TMEM154: variants seen among roughly 807,000 people sequenced by gnomAD.
TMEM154 encodes the protein transmembrane protein 154.
In TMEM154, 27 loss-of-function variants were observed where a neutral mutation model predicts 24.5. That is an observed-to-expected ratio of 1.10 (90% CI 0.81 to 1.52). The LOEUF is 1.52. Among genes scored for constraint, TMEM154 ranks in the 40% most tolerant of loss-of-function variants. TMEM154 has a pLI of 0.00. For missense variants in TMEM154, 228 were observed against 213.4 expected (o/e 1.07, Z -0.43); for synonymous variants, 67 against 76.8 (o/e 0.87, Z 0.67).
chr4:152,641,903 CTTTTTTTTTTTTTTTTTT>C (rs780465309), intron 5 of TMEM154, among the ~76,000 whole-genome samples: 3 of 41,480 alleles, frequency 7.2e-5, no homozygotes, highest in African/African-American at 2.1e-4. Flanking sequence ...AGCAATAATT[CTTTTTTTTTTTTTTTTTT>C]TTTTTTTTTT....
chr4:152,666,442 G>A (rs2149789160), intron 1 of TMEM154: 1 of 152,150 alleles, frequency 6.6e-6, no homozygotes, highest in South Asian at 2.1e-4. Context: ...AGTTTTAAAT[G>A]TGATTAGACA....
At chr4:152,646,969 A>G in intron 3 of TMEM154, 1 of 705,586 alleles carries the variant, frequency 1.4e-6, no homozygotes, top group South Asian at 1.5e-5. Context: ...ACATCAAGAC[A>G]CTGCAAATTT....
At chr4:152,630,043 G>A (rs1014113712) in intron 6 of TMEM154, among the ~76,000 whole-genome samples, 1 of 152,112 alleles carries the variant, frequency 6.6e-6, no homozygotes. Flanking sequence ...GGTGGGCGTG[G>A]TGGCTCACAG....
At chr4:152,670,937 C>T (rs534034064) in intron 1 of TMEM154, among the ~76,000 whole-genome samples, 6 of 152,160 alleles carry the variant, frequency 3.9e-5, no homozygotes, top group Admixed American at 6.5e-5. Flanking sequence ...TAAGTAGGGA[C>T]GATGGCATGC....
At position 152,679,256 on chromosome 4, in the gene TMEM154, A is replaced by G. The variant is rs370768017; in HGVS notation, c.64+614T>C. On this transcript the variant is annotated intron_variant, in intron 1 of 6. Coordinates refer to ENST00000304385, the MANE Select transcript of TMEM154 (RefSeq NM_152680.3). Reference sequence around the variant, plus strand: ...TCATTAGTAACAATCAATGCAAAAAAAAAATCTGTAAAAGTAACAAGGTGC... The same window carrying G: ...TCATTAGTAACAATCAATGCAAAAAGAAAATCTGTAAAAGTAACAAGGTGC... Among the ~76,000 whole-genome samples, 391 of 152,236 alleles carry G rather than the reference A, an allele frequency of 2.6e-3. 1 individual carries two copies. The highest frequency in any genetic ancestry group is 9.2e-3 in the African/African-American group (384 of 41,516).
At chr4:152,677,334 C>T (rs1300844425) in intron 1 of TMEM154, among the ~76,000 whole-genome samples, 4 of 152,138 alleles carry the variant, frequency 2.6e-5, no homozygotes, top group Admixed American at 2.0e-4. Context: ...GTTGCCTGCT[C>T]GTTGTTAATA....
At chr4:152,638,810 G>A (rs1425422006) in intron 6 of TMEM154, among the ~76,000 whole-genome samples, 1 of 152,192 alleles carries the variant, frequency 6.6e-6, no homozygotes, top group Non-Finnish European at 1.5e-5. Context: ...ATTACGAGAG[G>A]GCATAAAGTG....
chr4:152,671,287 T>G (rs770244007), intron 1 of TMEM154, among the ~76,000 whole-genome samples: 11 of 152,086 alleles, frequency 7.2e-5, no homozygotes, highest in African/African-American at 2.7e-4. Flanking sequence ...CATTAGCTTG[T>G]AATGATGCCA....
In TMEM154 at chr4:152,624,124, C is replaced by T. The variant is rs182002899; in HGVS notation, c.*4422G>A. 3 of 152,302 alleles carry T rather than the reference C, an allele frequency of 2.0e-5. No individual in the cohort carries two copies. The highest frequency in any genetic ancestry group is 6.5e-5 in the Admixed American group (1 of 15,292). The allele number at this position is 152,302 out of a possible 1,614,324, so 9.4% of individuals were successfully genotyped here. A position where few individuals can be genotyped will look rare whatever the true frequency, so the allele number is the denominator to read the frequency against. ...ACAGTCTTCATGAAATTAACATCTTCATGTTTTCTTAAGCACTTTGGTTTA... is the reference window on the plus strand; with the variant it reads ...ACAGTCTTCATGAAATTAACATCTTTATGTTTTCTTAAGCACTTTGGTTTA... On this transcript the variant is annotated 3_prime_UTR_variant, in exon 7 of 7. Coordinates refer to ENST00000304385, the MANE Select transcript of TMEM154 (RefSeq NM_152680.3).
At chr4:152,649,472 C>T (rs1011590511) in intron 3 of TMEM154, among the ~76,000 whole-genome samples, 4 of 152,134 alleles carry the variant, frequency 2.6e-5, no homozygotes, top group African/African-American at 9.7e-5. Flanking sequence ...TGTTAGTAAT[C>T]TTTAGACAGT....
At chr4:152,660,729 G>T (rs1728585323) in intron 1 of TMEM154, among the ~76,000 whole-genome samples, 12 of 152,182 alleles carry the variant, frequency 7.9e-5, no homozygotes, top group Admixed American at 7.9e-4. Context: ...GAATGAGAGG[G>T]AACCTCCTGC....
chr4:152,672,801 T>C lies in TMEM154; in HGVS notation c.64+7069A>G, dbSNP rs779665203. ...CCCCTAATTATCTTAAATTTTTCCA[T>C]ATTGACAAGAGCAGAGGTTGGCAAA... On this transcript the variant is annotated intron_variant, in intron 1 of 6. Coordinates refer to ENST00000304385, the MANE Select transcript of TMEM154 (RefSeq NM_152680.3). Among the ~76,000 whole-genome samples the C allele has an allele frequency of 7.2e-5, 11 of 152,224 alleles. No individual in the cohort carries two copies. In the East Asian group the frequency reaches 1.7e-3, roughly 24 times the overall value.
At position 152,658,969 on chromosome 4, in the gene TMEM154, C is replaced by G. The variant is rs1728543830; in HGVS notation, c.65-6042G>C. Among the ~76,000 whole-genome samples, 7 of 152,236 alleles carry G rather than the reference C, an allele frequency of 4.6e-5. No homozygotes were observed. In the South Asian group the frequency reaches 1.4e-3, roughly 32 times the overall value. On this transcript the variant is annotated intron_variant, in intron 1 of 6. Transcript: ENST00000304385. The stretch of plus-strand genomic sequence containing the variant: ...AACAGTAGGGCAATTTCTCAAAAAA[C>G]TAACAAGAGAACTACCATACAATCC...
rs777411337 is a variant in TMEM154 at position 152,640,983 on chromosome 4, C to A, written c.481G>T (p.Asp161Tyr). ...KWMNSMNRNA[D>Y]FECLPTLKEE... is the part of the protein sequence containing the mutation. ...TTCAAGGTAGGTAAACATTCAAAGT[C>A]GGCTAGGACAGAATAAAAGCAAACT... The change falls in exon 6 of 7, where the codon GAC becomes TAC. Residue 161 changes from aspartate to tyrosine, a missense_variant and splice_region_variant. Transcript: ENST00000304385. 3.7e-6 allele frequency: 6 copies of A among 1,604,686 alleles called. No individual in the cohort carries two copies. The highest frequency in any genetic ancestry group is 5.1e-6 in the Non-Finnish European group (6 of 1,175,612).
At chr4:152,651,285 T>G (rs1353779794) in intron 3 of TMEM154, among the ~76,000 whole-genome samples, 1 of 152,048 alleles carries the variant, frequency 6.6e-6, no homozygotes, top group Non-Finnish European at 1.5e-5. Context: ...CCCATAGTGC[T>G]GAGATTACAG....
At chr4:152,669,781 T>C (rs1728789731) in intron 1 of TMEM154, 1 of 152,212 alleles carries the variant, frequency 6.6e-6, no homozygotes, top group South Asian at 2.1e-4. Context: ...ACAACGATGG[T>C]TTTAACTCAT....
In TMEM154 at chr4:152,664,830, C is replaced by G. The variant is rs144500226; in HGVS notation, c.65-11903G>C. The stretch of plus-strand genomic sequence containing the variant: ...GAAAGAAAACATGTCAGATGTCAAG[C>G]CCTCAAACTCTTCCCTGCGTTGTGG... On this transcript the variant is annotated intron_variant, in intron 1 of 6. Transcript: ENST00000304385. Among the ~76,000 whole-genome samples, 1,027 of 152,270 alleles carry G rather than the reference C, an allele frequency of 6.7e-3. 2 individuals carry two copies. Among genetic ancestry groups the G allele is most frequent in the Middle Eastern group, 0.017 (5 of 294 alleles).
chr4:152,667,744 A>G (rs916463108), intron 1 of TMEM154, among the ~76,000 whole-genome samples: 1 of 152,250 alleles, frequency 6.6e-6, no homozygotes, highest in African/African-American at 2.4e-5. Context: ...TGTGTTTTGT[A>G]CACTTTTTCT....
At chr4:152,665,386 G>A (rs1041798839) in intron 1 of TMEM154, among the ~76,000 whole-genome samples, 8 of 152,226 alleles carry the variant, frequency 5.3e-5, no homozygotes, top group African/African-American at 1.7e-4. Flanking sequence ...TATGGTCCTC[G>A]GTGAATTTGA....
Sources: gnomAD v4.1 joint callset for allele counts (sites outside exome capture counted in the v4.1 genomes callset) on GRCh38, gnomAD v4.1.1 for gene constraint, MANE v1.5 for transcripts, NCBI Gene and HGNC (gene_info 2026-07-23, HGNC 2026-07-21) for gene names.